Variants in RBFOX1 observed in about 807,000 individuals in gnomAD.
RBFOX1 encodes the protein RNA binding fox-1 homolog 1.
In RBFOX1, 8 loss-of-function variants were observed where a neutral mutation model predicts 57.7. The ratio of observed to expected loss-of-function variants is 0.14; its 90% CI spans 0.08 to 0.25. The LOEUF (loss-of-function observed/expected upper bound fraction) is 0.25. RBFOX1 is among the 10% of genes least tolerant of loss of function. The pLI is 1.00. For missense variants in RBFOX1, 611 were observed against 548.5 expected (o/e 1.11, Z -1.14); for synonymous variants, 326 against 222.4 (o/e 1.47, Z -4.15).
chr16:7,232,775 A>G (rs143185291), intron 4 of RBFOX1, among the ~76,000 whole-genome samples: 4,533 of 145,704 alleles, frequency 0.031, 210 homozygotes, highest in African/African-American at 0.11. Flanking sequence ...TGGGAGGGGG[A>G]GGTTGCCGTG....
intron 2 of RBFOX1, among the ~76,000 whole-genome samples, chr16:6,375,454 G>T (rs944907021): frequency 1.3e-5 from 2 of 151,294 alleles, no homozygotes; most frequent in African/African-American, 4.9e-5. Context: ...GCCAAAAGAA[G>T]AAAACTGGTT....
chr16:7,180,917 T>C (rs1247617852), intron 4 of RBFOX1, among the ~76,000 whole-genome samples: 2 of 152,216 alleles, frequency 1.3e-5, no homozygotes, highest in Non-Finnish European at 2.9e-5. Flanking sequence ...ATAATAAATA[T>C]TGTAGGGTGG....
chr16:6,870,249 ATGGAGAGAGCATTCCCTT>A (rs1227991415), intron 3 of RBFOX1, among the ~76,000 whole-genome samples: 1 of 152,112 alleles, frequency 6.6e-6, no homozygotes, highest in African/African-American at 2.4e-5. Context: ...GGGTGGGGCA[ATGGAGAGAGCATTCCCTT>A]TGGTCGCTTG....
intron 2 of RBFOX1, among the ~76,000 whole-genome samples, chr16:6,405,641 T>C (rs1248530633): frequency 3.3e-5 from 5 of 152,002 alleles, no homozygotes; most frequent in African/African-American, 1.2e-4. Flanking sequence ...AGGGAAGGAA[T>C]AGCAAAAATG....
Position 6,156,980 on chromosome 16 carries a change from T to C in RBFOX1, c.-127+136988T>C, listed in dbSNP as rs964561349. Among the ~76,000 whole-genome samples the C allele has an allele frequency of 3.9e-5, 6 of 152,020 alleles. No homozygotes were observed. The South Asian group carries it at 1.2e-3, about 32-fold the overall frequency. ...TTTGCTTCTCAAGTTGCTGGGACTG[T>C]AGGTGGGCAGTGACTAATTGTTTTT... On this transcript the variant is annotated intron_variant, in intron 1 of 15. Transcript: ENST00000550418.
rs151073141 is a variant in RBFOX1 at position 6,792,998 on chromosome 16, C to G, written c.-16+138348C>G. ...GAGCTGAGACTGCATCACTGCACTG[C>G]AGGCTGGGCGACAGAGTGAGACTCC... On this transcript the variant is annotated intron_variant, in intron 3 of 15. Transcript: ENST00000550418. Among the ~76,000 whole-genome samples, 1,203 of 148,150 alleles carry G rather than the reference C, an allele frequency of 8.1e-3. 23 individuals are homozygous for G. Among genetic ancestry groups the G allele is most frequent in the African/African-American group, 0.027 (1,104 of 40,250 alleles).
Position 6,712,550 on chromosome 16 carries a change from A to C in RBFOX1, c.-16+57900A>C, listed in dbSNP as rs148438954. ...CAGTGACACAGGGCATCATCTTCTG[A>C]AACTCAACACCCAAGCTTCAGTCCA... is the stretch of plus-strand genomic sequence containing the variant. On this transcript the variant is annotated intron_variant, in intron 3 of 15. Transcript: ENST00000550418. Among the ~76,000 whole-genome samples, 350 of 152,224 alleles carry C rather than the reference A, an allele frequency of 2.3e-3. 1 individual carries two copies. Among genetic ancestry groups the C allele is most frequent in the Non-Finnish European group, 3.4e-3 (228 of 68,006 alleles).
intron 11 of RBFOX1, among the ~76,000 whole-genome samples, chr16:7,652,614 G>T (rs531451188): frequency 3.3e-5 from 5 of 152,052 alleles, no homozygotes; most frequent in African/African-American, 4.8e-5. Context: ...CACCGTATTG[G>T]CCAGGCTGGT....
intron 2 of RBFOX1, among the ~76,000 whole-genome samples, chr16:6,625,092 G>C (rs938846609): frequency 7.0e-6 from 1 of 143,872 alleles, no homozygotes; most frequent in Non-Finnish European, 1.5e-5. Context: ...TTTAACCTGG[G>C]AGGCAAAAGT....
intron 3 of RBFOX1, among the ~76,000 whole-genome samples, chr16:6,713,234 C>G (rs1355335185): frequency 6.6e-6 from 1 of 150,490 alleles, no homozygotes; most frequent in African/African-American, 2.5e-5. Context: ...TTTTCCTTCT[C>G]ACATGCAACT....
chr16:5,917,887 C>T (rs1285984445), intron 4 of RBFOX1, among the ~76,000 whole-genome samples: 2 of 152,124 alleles, frequency 1.3e-5, no homozygotes, highest in East Asian at 1.9e-4. Context: ...TCCTTCCTCC[C>T]CTTTCTCTTC....
At chr16:7,707,815 G>GT (rs1252326374) in intron 14 of RBFOX1, among the ~76,000 whole-genome samples, 6 of 151,960 alleles carry the variant, frequency 3.9e-5, no homozygotes, top group South Asian at 4.2e-4. Flanking sequence ...CAGACGTTGC[G>GT]TTTTTTTTCC....
intron 3 of RBFOX1, among the ~76,000 whole-genome samples, chr16:5,630,535 T>C (rs1335010224): frequency 6.6e-6 from 1 of 152,148 alleles, no homozygotes; most frequent in African/African-American, 2.4e-5. Flanking sequence ...TTACAAAAGT[T>C]CTTCAATCTC....
At chr16:5,839,432 C>T (rs2151843228) in intron 3 of RBFOX1, among the ~76,000 whole-genome samples, 1 of 152,264 alleles carries the variant, frequency 6.6e-6, no homozygotes, top group Non-Finnish European at 1.5e-5. Flanking sequence ...ACTAAGTGTC[C>T]TATTGGCATT....
At chr16:7,221,646 C>T (rs2092740954) in intron 4 of RBFOX1, among the ~76,000 whole-genome samples, 1 of 152,130 alleles carries the variant, frequency 6.6e-6, no homozygotes, top group Admixed American at 6.6e-5. Context: ...GGATTACAGG[C>T]GTGAGCCACT....
intron 4 of RBFOX1, among the ~76,000 whole-genome samples, chr16:7,202,616 A>G (rs1023715437): frequency 6.6e-6 from 1 of 152,184 alleles, no homozygotes; most frequent in Non-Finnish European, 1.5e-5. Context: ...GCCACTCCTC[A>G]TTGCTTGCAT....
chr16:7,073,512 C>G (rs2057745830), intron 4 of RBFOX1, among the ~76,000 whole-genome samples: 1 of 151,940 alleles, frequency 6.6e-6, no homozygotes, highest in South Asian at 2.1e-4. Context: ...TATTGAAATC[C>G]ACACAATTGA....
intron 14 of RBFOX1, among the ~76,000 whole-genome samples, chr16:7,700,402 G>T (rs965211383): frequency 6.6e-6 from 1 of 152,124 alleles, no homozygotes; most frequent in African/African-American, 2.4e-5. Context: ...AGATAGCTTA[G>T]CAAGAAGTAA....
chr16:6,866,561 A>ATTTTTTTTTTTTTT (rs2059956867), intron 3 of RBFOX1, among the ~76,000 whole-genome samples: 1 of 10,982 alleles, frequency 9.1e-5, no homozygotes, highest in African/African-American at 6.3e-4. Flanking sequence ...TTTTTTTTTG[A>ATTTTTTTTTTTTTT]GTTGGAGTCT....
Sources: gnomAD v4.1 joint callset for allele counts (sites outside exome capture counted in the v4.1 genomes callset) on GRCh38, gnomAD v4.1.1 for gene constraint, MANE v1.5 for transcripts, NCBI Gene and HGNC (gene_info 2026-07-23, HGNC 2026-07-21) for gene names.